The following KSR2 variants were observed in gnomAD, a reference collection of about 807,000 sequenced individuals.
The protein encoded by KSR2 is kinase suppressor of ras 2.
Under a neutral mutation model 107.8 loss-of-function variants are expected in KSR2, and 25 were observed. The observed-to-expected ratio is 0.23, with a 90% confidence interval of 0.17 to 0.32. The LOEUF (loss-of-function observed/expected upper bound fraction) is 0.32, where lower values mean the gene tolerates loss of function less well. Ranked by LOEUF, KSR2 falls within the 10% of genes least tolerant of loss-of-function variation. The pLI is 1.00. For missense variants in KSR2, 887 were observed against 1,268.9 expected (o/e 0.70, Z 4.57); for synonymous variants, 480 against 507.0 (o/e 0.95, Z 0.71).
chr12:117,618,071 T>C (rs1037109784), intron 5 of KSR2, among the ~76,000 whole-genome samples: 2 of 152,190 alleles, frequency 1.3e-5, no homozygotes, highest in Admixed American at 1.3e-4. Flanking sequence ...ATTGAATTCT[T>C]AAAATTGGGC....
chr12:117,554,954 T>G (rs1877554781), intron 9 of KSR2, among the ~76,000 whole-genome samples: 1 of 152,198 alleles, frequency 6.6e-6, no homozygotes, highest in Non-Finnish European at 1.5e-5. Flanking sequence ...CATTCCGACA[T>G]GCCCTCTTTC....
chr12:117,819,126 G>A (rs982223174), intron 3 of KSR2, among the ~76,000 whole-genome samples: 12 of 151,924 alleles, frequency 7.9e-5, no homozygotes, highest in African/African-American at 2.4e-4. Context: ...GGTCTGTACC[G>A]CCCCCTCACT....
Position 117,530,962 on chromosome 12 carries a change from T to A in KSR2, c.1781A>T (p.His594Leu), listed in dbSNP as rs755640622. 1.9e-6 allele frequency: 3 copies of A among 1,613,714 alleles called. 1 individual carries two copies. The South Asian group carries it at 3.3e-5, about 18-fold the overall frequency. The change falls in exon 12 of 20, where the codon CAT becomes CTT. Residue 594 changes from histidine (H) to leucine (L), a missense_variant. By Grantham distance (99) the His-to-Leu change is moderately conservative. Coordinates refer to ENST00000339824, the MANE Select transcript of KSR2 (RefSeq NM_173598.6). The stretch of plus-strand genomic sequence containing the variant: ...TTACATTGGATTCGAGGTCACCGGA[T>A]GCAGGATGACCTGGGGCGCCCGGGT... ...TPTRAPQVILHPVTSNPILEG... is the reference protein window; with the variant it reads ...TPTRAPQVILLPVTSNPILEG...
intron 14 of KSR2, among the ~76,000 whole-genome samples, chr12:117,498,366 G>A (rs1168587978): frequency 6.6e-6 from 1 of 152,052 alleles, no homozygotes; most frequent in Non-Finnish European, 1.5e-5. Flanking sequence ...GCTTCTGTTT[G>A]GGAATTCCCA....
chr12:117,667,534 C>T lies in KSR2; in HGVS notation c.1111G>A (p.Gly371Arg), dbSNP rs758861167. 4.0e-5 allele frequency: 65 copies of T among 1,612,676 alleles called. No homozygotes were observed. The highest frequency in any genetic ancestry group is 5.2e-5 in the Non-Finnish European group (61 of 1,179,582). The change falls in exon 5 of 20, where the codon GGA becomes AGA. Residue 371 changes from glycine to arginine, a missense_variant. By Grantham distance (125) the Gly-to-Arg change is moderately radical. Around this residue, in one of 8 missense-constraint regions of KSR2, gnomAD observed 399 missense variants for 479.5 expected, o/e 0.83. Transcript: ENST00000339824. ...SERSLRSFFV[G>R]HAPFLPSTPP... ...GTGGAAGGCAGGAAAGGTGCGTGTC[C>T]CACAAAGAAGGAGCGGAGGGAGCGC...
At chr12:117,472,993 T>G (rs1408562053) in intron 17 of KSR2, among the ~76,000 whole-genome samples, 1 of 152,146 alleles carries the variant, frequency 6.6e-6, no homozygotes, top group Non-Finnish European at 1.5e-5. Context: ...GAACTCACAC[T>G]CATACTGCCA....
At chr12:117,814,154 T>C (rs1181990099) in intron 3 of KSR2, among the ~76,000 whole-genome samples, 2 of 152,136 alleles carry the variant, frequency 1.3e-5, no homozygotes, top group Admixed American at 6.5e-5. Flanking sequence ...TATTAAGAGA[T>C]ACATTATAGC....
At chr12:117,704,670 C>T (rs749532348) in intron 4 of KSR2, among the ~76,000 whole-genome samples, 2 of 152,066 alleles carry the variant, frequency 1.3e-5, no homozygotes, top group Non-Finnish European at 2.9e-5. Flanking sequence ...CCAGCCTAGC[C>T]AACACAGTGA....
At chr12:117,599,410 A>G (rs1880815141) in intron 5 of KSR2, among the ~76,000 whole-genome samples, 1 of 152,186 alleles carries the variant, frequency 6.6e-6, no homozygotes, top group Non-Finnish European at 1.5e-5. Context: ...TTGCTGATTC[A>G]GTGAGACAAA....
At chr12:117,683,835 T>A (rs1276730248) in intron 4 of KSR2, among the ~76,000 whole-genome samples, 1 of 152,164 alleles carries the variant, frequency 6.6e-6, no homozygotes, top group Non-Finnish European at 1.5e-5. Flanking sequence ...AGAGAGGAAA[T>A]ACCTTCGGCT....
chr12:117,809,560 A>G (rs1219414075), intron 3 of KSR2, among the ~76,000 whole-genome samples: 1 of 152,166 alleles, frequency 6.6e-6, no homozygotes, highest in East Asian at 1.9e-4. Context: ...CACTTAAACT[A>G]AAATAACCCC....
chr12:117,731,299 C>T (rs1481477661), intron 4 of KSR2, among the ~76,000 whole-genome samples: 10 of 145,170 alleles, frequency 6.9e-5, no homozygotes, highest in African/African-American at 1.6e-4. Flanking sequence ...AAGTGAGGAG[C>T]GTCTCCGCCC....
At chr12:117,720,821 A>C (rs1348321508) in intron 4 of KSR2, among the ~76,000 whole-genome samples, 1 of 152,232 alleles carries the variant, frequency 6.6e-6, no homozygotes, top group African/African-American at 2.4e-5. Context: ...CTGAGATCTC[A>C]GGGAAAAAAT....
intron 4 of KSR2, among the ~76,000 whole-genome samples, chr12:117,732,669 A>C (rs1477605699): frequency 6.6e-6 from 1 of 152,204 alleles, no homozygotes. Flanking sequence ...TCATGCTGGA[A>C]GGAGGCCTCA....
At chr12:117,839,167 A>C (rs1892362931) in intron 3 of KSR2, among the ~76,000 whole-genome samples, 1 of 152,178 alleles carries the variant, frequency 6.6e-6, no homozygotes, top group African/African-American at 2.4e-5. Flanking sequence ...TCTCTCCCCT[A>C]GGGCAAATTA....
intron 4 of KSR2, among the ~76,000 whole-genome samples, chr12:117,693,039 C>T (rs770586808): frequency 1.4e-4 from 21 of 152,096 alleles, no homozygotes; most frequent in South Asian, 8.3e-4. Context: ...TTAAAGTGGT[C>T]GATCTCACGT....
chr12:117,794,450 A>ACT (rs146678779), intron 3 of KSR2, among the ~76,000 whole-genome samples: 3 of 40,686 alleles, frequency 7.4e-5, no homozygotes, highest in East Asian at 3.4e-3. Flanking sequence ...CAACATGCAC[A>ACT]CACACCAACA....
chr12:117,810,001 C>T (rs530986530), intron 3 of KSR2, among the ~76,000 whole-genome samples: 1 of 152,246 alleles, frequency 6.6e-6, no homozygotes, highest in African/African-American at 2.4e-5. Context: ...TTGTGAGGTT[C>T]AGTCTCTGCA....
chr12:117,514,414 C>T (rs890751230), intron 14 of KSR2, among the ~76,000 whole-genome samples: 2 of 152,158 alleles, frequency 1.3e-5, no homozygotes, highest in African/African-American at 2.4e-5. Context: ...AAATGCAAAC[C>T]AGACTGTGTC....
Sources: gnomAD v4.1 joint callset for allele counts (sites outside exome capture counted in the v4.1 genomes callset) on GRCh38, gnomAD v4.1.1 for gene constraint, gnomAD v4.1.1 regional missense constraint, MANE v1.5 for transcripts, NCBI Gene and HGNC (gene_info 2026-07-23, HGNC 2026-07-21) for gene names.